Variants in SPIRE1 observed in about 807,000 individuals in gnomAD.
The protein encoded by SPIRE1 is spire type actin nucleation factor 1.
In SPIRE1, 40 loss-of-function variants were observed where a neutral mutation model predicts 94.1. The observed-to-expected ratio is 0.43, with a 90% CI of 0.33 to 0.55. The LOEUF is 0.55. Ranked by LOEUF, SPIRE1 falls within the 20% of genes least tolerant of loss-of-function variation. The pLI is 0.06. For synonymous variants in SPIRE1, 376 were observed against 371.7 expected (o/e 1.01, Z -0.13); for missense variants, 838 against 975.2 (o/e 0.86, Z 1.87).
chr18:12,486,187 A>T (rs745443170), intron 8 of SPIRE1, among the ~76,000 whole-genome samples, 187 bp from the exon 9 acceptor site: 4 of 152,242 alleles, frequency 2.6e-5, no homozygotes, highest in Admixed American at 6.5e-5. Context: ...AGTTTCAGTT[A>T]TATCACTAAG....
intron 4 of SPIRE1, among the ~76,000 whole-genome samples, chr18:12,526,611 T>C (rs1407657890): frequency 6.6e-6 from 1 of 152,172 alleles, no homozygotes; most frequent in Non-Finnish European, 1.5e-5. Flanking sequence ...TTAATGCACA[T>C]AAAGTCAGAA....
chr18:12,522,184 T>C (rs2034383657), intron 4 of SPIRE1, among the ~76,000 whole-genome samples: 1 of 152,168 alleles, frequency 6.6e-6, no homozygotes, highest in African/African-American at 2.4e-5. Flanking sequence ...TAAAGGAAAT[T>C]AAAAGTGCTA....
At chr18:12,648,632 G>A (rs535886157) in intron 1 of SPIRE1, among the ~76,000 whole-genome samples, 5 of 152,258 alleles carry the variant, frequency 3.3e-5, no homozygotes, top group South Asian at 2.1e-4. Context: ...GCTCACGCCT[G>A]TAATCCCAGC....
chr18:12,525,637 G>A (rs2034499114), intron 4 of SPIRE1, among the ~76,000 whole-genome samples: 1 of 152,010 alleles, frequency 6.6e-6, no homozygotes, highest in African/African-American at 2.4e-5. Context: ...GATCCCATGT[G>A]TATAGAACTT....
chr18:12,646,819 T>C (rs1365942623), intron 1 of SPIRE1, among the ~76,000 whole-genome samples: 1 of 152,000 alleles, frequency 6.6e-6, no homozygotes, highest in African/African-American at 2.4e-5. Context: ...CGGAGGCGTG[T>C]GGATCACTTG....
chr18:12,533,030 C>G (rs941690150), intron 4 of SPIRE1, among the ~76,000 whole-genome samples: 1 of 152,136 alleles, frequency 6.6e-6, no homozygotes, highest in African/African-American at 2.4e-5. Context: ...AAAGCACTAC[C>G]CTTAGGGGAA....
At chr18:12,499,859 T>C (rs1260151796) in intron 6 of SPIRE1, among the ~76,000 whole-genome samples, 1 of 152,082 alleles carries the variant, frequency 6.6e-6, no homozygotes, top group Non-Finnish European at 1.5e-5. Flanking sequence ...CTGTCAGGGG[T>C]CCACCATCCA....
intron 1 of SPIRE1, among the ~76,000 whole-genome samples, chr18:12,656,889 G>T (rs1035462460): frequency 6.6e-6 from 1 of 152,174 alleles, no homozygotes; most frequent in Non-Finnish European, 1.5e-5. Flanking sequence ...TCACATACAG[G>T]AATGCAATCA....
chr18:12,476,428 T>C (rs1396121112), intron 10 of SPIRE1, among the ~76,000 whole-genome samples: 4 of 149,672 alleles, frequency 2.7e-5, no homozygotes, highest in Non-Finnish European at 4.5e-5. Flanking sequence ...GTAATCCCAG[T>C]TACTCGGGAG....
chr18:12,494,568 G>A (rs1221494555), intron 7 of SPIRE1, among the ~76,000 whole-genome samples: 3 of 151,838 alleles, frequency 2.0e-5, no homozygotes, highest in South Asian at 2.1e-4. Flanking sequence ...GGTGGCTCAC[G>A]CCTGTAATCC....
At chr18:12,515,108 C>T (rs975396067) in intron 4 of SPIRE1, among the ~76,000 whole-genome samples, 2 of 152,074 alleles carry the variant, frequency 1.3e-5, no homozygotes, top group Non-Finnish European at 2.9e-5. Context: ...AAGGCTGATC[C>T]CACAGAAGCA....
chr18:12,659,697 G>T (rs920809510), upstream of SPIRE1, among the ~76,000 whole-genome samples: 1 of 151,828 alleles, frequency 6.6e-6, no homozygotes, highest in East Asian at 1.9e-4. Context: ...ATTGAAAGAG[G>T]AGAAGAAAGC....
intron 2 of SPIRE1, among the ~76,000 whole-genome samples, chr18:12,611,381 G>T (rs1369792725): frequency 1.3e-5 from 2 of 152,180 alleles, no homozygotes; most frequent in African/African-American, 4.8e-5. Flanking sequence ...AAAGAAGCTG[G>T]CTGCCTTGTC....
chr18:12,593,986 A>C (rs1472915816), intron 2 of SPIRE1, among the ~76,000 whole-genome samples: 1 of 152,098 alleles, frequency 6.6e-6, no homozygotes, highest in East Asian at 1.9e-4. Flanking sequence ...AAAGCATGCA[A>C]TTAAAATAAA....
chr18:12,544,455 C>T (rs1003384188), intron 3 of SPIRE1, among the ~76,000 whole-genome samples: 1 of 151,822 alleles, frequency 6.6e-6, no homozygotes, highest in East Asian at 1.9e-4. Flanking sequence ...CCACCTGCCT[C>T]GGCCTCCCAA....
intron 1 of SPIRE1, among the ~76,000 whole-genome samples, chr18:12,638,877 CTG>C (rs768275936): frequency 1.3e-5 from 2 of 152,140 alleles, no homozygotes; most frequent in East Asian, 3.9e-4. Flanking sequence ...TTTGCGATGA[CTG>C]TAAGTTTTCT....
intron 12 of SPIRE1, among the ~76,000 whole-genome samples, chr18:12,458,808 A>T (rs1049984751): frequency 2.0e-5 from 3 of 152,230 alleles, no homozygotes; most frequent in African/African-American, 7.2e-5. Flanking sequence ...CCAAGAGCAC[A>T]TCTAAAACGG....
At chr18:12,616,268 A>C (rs1567969271) in intron 2 of SPIRE1, among the ~76,000 whole-genome samples, 2 of 152,222 alleles carry the variant, frequency 1.3e-5, no homozygotes. Flanking sequence ...AAATGAAAAG[A>C]AAGCCCTGGG....
At chr18:12,633,951 A>C (rs2037848633) in intron 2 of SPIRE1, among the ~76,000 whole-genome samples, 2 of 152,154 alleles carry the variant, frequency 1.3e-5, no homozygotes, top group Admixed American at 6.5e-5. Flanking sequence ...TTAAATTATT[A>C]AAAAATAATA....
Sources: gnomAD v4.1 joint callset for allele counts (sites outside exome capture counted in the v4.1 genomes callset) on GRCh38, gnomAD v4.1.1 for gene constraint, MANE v1.5 for transcripts, NCBI Gene and HGNC (gene_info 2026-07-23, HGNC 2026-07-21) for gene names.